Variants in SKIDA1 observed in about 807,000 individuals in gnomAD.
SKIDA1 encodes SKI/DACH domain-containing protein 1.
A neutral mutation model predicts 51.4 loss-of-function variants in SKIDA1; 18 were observed. The observed-to-expected ratio is 0.35, with a 90% CI of 0.24 to 0.52. SKIDA1 has a LOEUF of 0.52. Ranked by LOEUF, SKIDA1 falls within the 20% of genes least tolerant of loss-of-function variation. SKIDA1 has a pLI of 0.95. For synonymous variants in SKIDA1, 579 were observed against 500.5 expected (o/e 1.16, Z -2.09); for missense variants, 1,104 against 1,180.6 (o/e 0.94, Z 0.95).
In SKIDA1 at chr10:21,515,748, C is replaced by T. The variant is rs759030359; in HGVS notation, c.2075G>A (p.Ser692Asn). ...AGGTTCATATTCTTCATTAGCACTA[C>T]TGTCTTCTACTTTGATTTTAATATT... ...LHNIKIKVEDSSANEEYEPHL... is the reference protein window; with the variant it reads ...LHNIKIKVEDNSANEEYEPHL... Residue 692 changes from serine to asparagine, a missense_variant, in exon 4 of 4, where the codon AGT becomes AAT. Transcript: ENST00000449193. 9 of 1,614,062 alleles carry T rather than the reference C, an allele frequency of 5.6e-6. No homozygotes were observed. The Admixed American group carries it at 1.3e-4, about 24-fold the overall frequency.
rs749932127 is a variant in SKIDA1 at position 21,516,791 on chromosome 10, A to ATGGTGGTGG, written c.1023_1031dup (p.His349_His351dup). ...CCCGGTGGTGGTGGTGGTGGTGGTGATGGTGGTGGTGGTGGTGGTGGTGCG... is the reference window on the plus strand; with the variant it reads ...CCCGGTGGTGGTGGTGGTGGTGGTGATGGTGGTGGTGGTGGTGGTGGTGGTGGTGGTGCG... On this transcript the variant is annotated inframe_insertion, in exon 4 of 4. Coordinates refer to ENST00000449193, the MANE Select transcript of SKIDA1 (RefSeq NM_207371.4). This position sits in a 1 kb window ranked among gnomAD's most constrained non-coding sequence, Gnocchi z 5.7. 2.0e-6 allele frequency: 3 copies of ATGGTGGTGG among 1,514,330 alleles called. No homozygotes were observed. The highest frequency in any genetic ancestry group is 2.0e-5 in the Admixed American group (1 of 49,540). 93.8% of individuals were successfully genotyped at this position (1,514,330 alleles called of 1,614,324 possible).
Position 21,516,131 on chromosome 10 carries a change from T to C in SKIDA1, c.1692A>G (p.Val564=). Residue 564 remains valine, a synonymous_variant, in exon 4 of 4, where the codon GTA becomes GTG. Coordinates refer to ENST00000449193, the MANE Select transcript of SKIDA1 (RefSeq NM_207371.4). This position sits in a 1 kb window ranked among gnomAD's most constrained non-coding sequence, Gnocchi z 5.7. ...AGTTAATTGTCAGGTCAGTTCTCTT[T>C]ACAGCATTGGAAATTTCAGAGTGTG... ...TFPHSEISNA[V]KRTDLTINCL... 1.2e-6 allele frequency: 2 copies of C among 1,614,054 alleles called. No homozygotes were observed. The highest frequency in any genetic ancestry group is 1.1e-5 in the South Asian group (1 of 91,084).
Position 21,515,033 on chromosome 10 carries a change from T to C in SKIDA1, c.*63A>G, listed in dbSNP as rs560052596. On this transcript the variant is annotated 3_prime_UTR_variant, in exon 4 of 4. Transcript: ENST00000449193. ...CACATTAATGGACTTGTACAAACCA[T>C]CCTGTGCAGTTTACAACAAAAGGAA... The C allele has an allele frequency of 6.7e-7, 1 of 1,482,782 alleles. No individual in the cohort carries two copies. Among genetic ancestry groups the C allele is most frequent in the African/African-American group, 1.4e-5 (1 of 71,040 alleles). 91.9% of individuals were successfully genotyped at this position (1,482,782 alleles called of 1,614,324 possible). A position where few individuals can be genotyped will look rare whatever the true frequency, so the allele number is the denominator to read the frequency against.
At position 21,515,953 on chromosome 10, in the gene SKIDA1, C is replaced by A. The variant is rs1404025661; in HGVS notation, c.1870G>T (p.Asp624Tyr). ...NTIAARFLNN[D>Y]SSGAEANSEK... ...GAATTTGCTTCTGCTCCTGAAGAAT[C>A]ATTATTTAAGAACCTAGCAGCTATT... Residue 624 changes from aspartate to tyrosine, a missense_variant, in exon 4 of 4, where the codon GAT becomes TAT. This residue lies in a region of SKIDA1 where 938 missense variants were observed against 886.4 expected (regional missense o/e 1.06). Coordinates refer to ENST00000449193, the MANE Select transcript of SKIDA1 (RefSeq NM_207371.4). The A allele has an allele frequency of 6.2e-7, 1 of 1,613,928 alleles. No homozygotes were observed. Among genetic ancestry groups the A allele is most frequent in the Admixed American group, 1.7e-5 (1 of 60,028 alleles).
In SKIDA1 at chr10:21,516,483, G is replaced by A. The variant is rs2032207271; in HGVS notation, c.1340C>T (p.Ser447Phe). The A allele has an allele frequency of 6.2e-7, 1 of 1,608,682 alleles. No homozygotes were observed. Among genetic ancestry groups the A allele is most frequent in the Non-Finnish European group, 8.5e-7 (1 of 1,178,290 alleles). ...SEVSSEEEDSSTESDSSSGSS... is the reference protein window; with the variant it reads ...SEVSSEEEDSFTESDSSSGSS... Reference sequence around the variant, plus strand: ...GCCGGAGCTGGAGTCCGACTCGGTGGACGAGTCCTCCTCCTCCGAGCTGAC... The same window carrying A: ...GCCGGAGCTGGAGTCCGACTCGGTGAACGAGTCCTCCTCCTCCGAGCTGAC... Residue 447 changes from serine (S) to phenylalanine (F), a missense_variant, in exon 4 of 4, where the codon TCC (serine) becomes TTC (phenylalanine). Around this residue, in one of 3 missense-constraint regions of SKIDA1, gnomAD observed 938 missense variants for 886.4 expected, o/e 1.06. Coordinates refer to ENST00000449193, the MANE Select transcript of SKIDA1 (RefSeq NM_207371.4). The surrounding 1 kb of genome is among the most constrained non-coding windows in gnomAD (Gnocchi z 5.7).
chr10:21,515,106 A>C lies in SKIDA1; in HGVS notation c.2717T>G (p.Phe906Cys). ...TCTTCCAAAACATTTTTATGAATTA[A>C]ATTTCCTGAATTTGTGACTAGGTGG... is the stretch of plus-strand genomic sequence containing the variant. ...PLPPSHKFRK[F>C]NS is the part of the protein sequence containing the mutation. Residue 906 changes from phenylalanine (F) to cysteine (C), a missense_variant, in exon 4 of 4, where the codon TTT becomes TGT. Phe to Cys is a radical substitution (Grantham distance 205, BLOSUM62 -2). Transcript: ENST00000449193. 1 of 1,598,708 alleles carries C rather than the reference A, an allele frequency of 6.3e-7. No homozygotes were observed. Among genetic ancestry groups the C allele is most frequent in the Middle Eastern group, 1.7e-4 (1 of 5,972 alleles).
chr10:21,522,059 T>C (rs2032410482), intron 2 of SKIDA1, among the ~76,000 whole-genome samples: 2 of 152,218 alleles, frequency 1.3e-5, no homozygotes, highest in African/African-American at 4.8e-5. Flanking sequence ...GTCTTTTAAA[T>C]GGTTAGCTGG....
At chr10:21,520,646 CCTCTCT>C (rs139656579) in intron 3 of SKIDA1, among the ~76,000 whole-genome samples, 10 of 142,550 alleles carry the variant, frequency 7.0e-5, no homozygotes, top group African/African-American at 2.6e-4. Context: ...GTTTATATTT[CCTCTCT>C]CTCTCTCTCT....
rs1159350026 is a variant in SKIDA1, at chr10:21,523,822, G to A, written c.-2068C>T. The stretch of plus-strand genomic sequence containing the variant: ...CCCTGGCTTCAGCCCAAATCCTTCT[G>A]GGAGCACTGGAGCCAATCACTGTCT... On this transcript the variant is annotated 5_prime_UTR_variant, in exon 2 of 4. Coordinates refer to ENST00000449193, the MANE Select transcript of SKIDA1 (RefSeq NM_207371.4). 1 of 151,536 alleles carries A rather than the reference G, an allele frequency of 6.6e-6. No individual in the cohort carries two copies. Among genetic ancestry groups the A allele is most frequent in the Non-Finnish European group, 1.5e-5 (1 of 67,970 alleles). The allele number at this position is 151,536 out of a possible 1,614,324, so 9.4% of individuals were successfully genotyped here.
Position 21,516,890 on chromosome 10 carries a change from T to TGCC in SKIDA1, c.930_932dup (p.Ala318dup), listed in dbSNP as rs749533809. ...CCCCCGCGGCGGCCGCCGCCGCCGCTGCCGCCGCCGCCGCCGCCGCCGCCG... is the reference window on the plus strand; with the variant it reads ...CCCCCGCGGCGGCCGCCGCCGCCGCTGCCGCCGCCGCCGCCGCCGCCGCCGCCG... On this transcript the variant is annotated inframe_insertion, in exon 4 of 4. Transcript: ENST00000449193. This position sits in a 1 kb window ranked among gnomAD's most constrained non-coding sequence, Gnocchi z 5.7. 3,823 of 1,195,276 alleles carry TGCC rather than the reference T, an allele frequency of 3.2e-3. 5 individuals are homozygous for TGCC. Among genetic ancestry groups the TGCC allele is most frequent in the Admixed American group, 5.1e-3 (111 of 21,584 alleles). The allele number at this position is 1,195,276 out of a possible 1,614,324, so 74.0% of individuals were successfully genotyped here.
In SKIDA1 at chr10:21,515,104, T is replaced by C; in HGVS notation, c.2719A>G (p.Asn907Asp). 1 of 1,599,838 alleles carries C rather than the reference T, an allele frequency of 6.3e-7. No homozygotes were observed. The highest frequency in any genetic ancestry group is 8.5e-7 in the Non-Finnish European group (1 of 1,174,058). ...TATCTTCCAAAACATTTTTATGAAT[T>C]AAATTTCCTGAATTTGTGACTAGGT... ...LPPSHKFRKF[N>D]S The change falls in exon 4 of 4, where the codon AAT becomes GAT. Residue 907 changes from asparagine (N) to aspartate (D), a missense_variant. By Grantham distance (23) the Asn-to-Asp change is conservative. Around this residue, in one of 3 missense-constraint regions of SKIDA1, gnomAD observed 112 missense variants for 168.3 expected, o/e 0.67. Transcript: ENST00000449193.
In SKIDA1 at chr10:21,517,451, G is replaced by C. The variant is rs1341172026; in HGVS notation, c.372C>G (p.Ala124=). The C allele has an allele frequency of 2.0e-6, 3 of 1,512,218 alleles. No individual in the cohort carries two copies. The highest frequency in any genetic ancestry group is 5.0e-5 in the East Asian group (2 of 40,320). 93.7% of individuals were successfully genotyped at this position (1,512,218 alleles called of 1,614,324 possible). Reference sequence around the variant, plus strand: ...TCCAAAATCCCGGGCGGGGGCTGGCGGCAGCGGCGCGCTCTGGCGGCGGCG... The same window carrying C: ...TCCAAAATCCCGGGCGGGGGCTGGCCGCAGCGGCGCGCTCTGGCGGCGGCG... ...TKAPPPERAA[A]ASPRPGFWKD... is the part of the protein sequence containing the mutation. The change falls in exon 4 of 4, where the codon GCC becomes GCG. Residue 124 remains alanine (A), a synonymous_variant. Transcript: ENST00000449193. The surrounding 1 kb of genome is among the most constrained non-coding windows in gnomAD (Gnocchi z 6.9).
rs144178519 is a variant in SKIDA1 at position 21,521,734 on chromosome 10, T to C, written c.-1928-254A>G. 2.4e-3 allele frequency among the ~76,000 whole-genome samples: 359 copies of C among 152,340 alleles called. 3 individuals carry two copies. The highest frequency in any genetic ancestry group is 8.3e-3 in the African/African-American group (344 of 41,570). On this transcript the variant is annotated intron_variant, in intron 2 of 3. Coordinates refer to ENST00000449193, the MANE Select transcript of SKIDA1 (RefSeq NM_207371.4). ...GAGGAATGCCTAATCTACACACTATTGTAAAAAGTGCTTTAGCTTTGAAAA... is the reference window on the plus strand; with the variant it reads ...GAGGAATGCCTAATCTACACACTATCGTAAAAAGTGCTTTAGCTTTGAAAA...
rs2032108623 is a variant in SKIDA1 at position 21,513,952 on chromosome 10, C to T, written c.*1144G>A. On this transcript the variant is annotated 3_prime_UTR_variant, in exon 4 of 4. Coordinates refer to ENST00000449193, the MANE Select transcript of SKIDA1 (RefSeq NM_207371.4). ...ATTTCAGCCCGGGCATGGTGGATCA[C>T]ACCTTTAATCCCAGCACTTTGGGAG... is the stretch of plus-strand genomic sequence containing the variant. 6.6e-6 allele frequency: 1 copy of T among 152,116 alleles called. No homozygotes were observed. 9.4% of individuals were successfully genotyped at this position (152,116 alleles called of 1,614,324 possible). A position where few individuals can be genotyped will look rare whatever the true frequency, so the allele number is the denominator to read the frequency against.
chr10:21,516,768 C>CGGT lies in SKIDA1; in HGVS notation c.1052_1054dup (p.His351dup), dbSNP rs770117846. On this transcript the variant is annotated inframe_insertion, in exon 4 of 4. Coordinates refer to ENST00000449193, the MANE Select transcript of SKIDA1 (RefSeq NM_207371.4). This position sits in a 1 kb window ranked among gnomAD's most constrained non-coding sequence, Gnocchi z 5.7. ...GTGACTCTGCTGCGGCGGCTGGGCC[C>CGGT]GGTGGTGGTGGTGGTGGTGGTGATG... is the stretch of plus-strand genomic sequence containing the variant. 1,417 of 1,538,380 alleles carry CGGT rather than the reference C, an allele frequency of 9.2e-4. 3 individuals are homozygous for CGGT. Among genetic ancestry groups the CGGT allele is most frequent in the African/African-American group, 8.2e-3 (596 of 72,316 alleles).
Position 21,516,371 on chromosome 10 carries a change from CAAG to C in SKIDA1, c.1449_1451del (p.Phe483del). 1 of 1,613,364 alleles carries C rather than the reference CAAG, an allele frequency of 6.2e-7. No homozygotes were observed. The highest frequency in any genetic ancestry group is 2.2e-5 in the East Asian group (1 of 44,872). ...CAGCGGCGGCGGAGGCCAGATGGTA[CAAG>C]AAGTTGGCCTGCGCCTGCACGCTGG... is the stretch of plus-strand genomic sequence containing the variant. On this transcript the variant is annotated inframe_deletion, in exon 4 of 4. Transcript: ENST00000449193. This position sits in a 1 kb window ranked among gnomAD's most constrained non-coding sequence, Gnocchi z 5.7.
chr10:21,516,238 C>G lies in SKIDA1; in HGVS notation c.1585G>C (p.Ala529Pro). 1 of 1,614,060 alleles carries G rather than the reference C, an allele frequency of 6.2e-7. No individual in the cohort carries two copies. Among genetic ancestry groups the G allele is most frequent in the Non-Finnish European group, 8.5e-7 (1 of 1,179,900 alleles). ...EWNLQSWAPK[A>P]SPVYCPASLG... ...CTGGCCGGGCAGTACACCGGAGATG[C>G]TTTGGGGGCCCAGCTCTGCAGATTC... Residue 529 changes from alanine (A) to proline (P), a missense_variant, in exon 4 of 4, where the codon GCA becomes CCA. Ala to Pro is a conservative substitution (Grantham distance 27, BLOSUM62 -1). This residue lies in a region of SKIDA1 where 938 missense variants were observed against 886.4 expected (regional missense o/e 1.06). Coordinates refer to ENST00000449193, the MANE Select transcript of SKIDA1 (RefSeq NM_207371.4). This position sits in a 1 kb window ranked among gnomAD's most constrained non-coding sequence, Gnocchi z 5.7.
rs1213193711 is a variant in SKIDA1 at position 21,516,903 on chromosome 10, G to A, written c.920C>T (p.Ala307Val). 6 of 1,145,924 alleles carry A rather than the reference G, an allele frequency of 5.2e-6. No individual in the cohort carries two copies. 71.0% of individuals were successfully genotyped at this position (1,145,924 alleles called of 1,614,324 possible). Residue 307 changes from alanine to valine, a missense_variant, in exon 4 of 4, where the codon GCG becomes GTG. Transcript: ENST00000449193. This position sits in a 1 kb window ranked among gnomAD's most constrained non-coding sequence, Gnocchi z 5.7. Reference sequence around the variant, plus strand: ...CGCCGCCGCCGCTGCCGCCGCCGCCGCCGCCGCCGCCGCCTTGGCTTTGTA... The same window carrying A: ...CGCCGCCGCCGCTGCCGCCGCCGCCACCGCCGCCGCCGCCTTGGCTTTGTA... Reference protein sequence around the residue: ...RSYKAKAAAAAAAAAAAAAAA... With the variant: ...RSYKAKAAAAVAAAAAAAAAA...
rs2032190876 is a variant in SKIDA1 at position 21,516,028 on chromosome 10, T to C, written c.1795A>G (p.Arg599Gly). Residue 599 changes from arginine to glycine, a missense_variant, in exon 4 of 4, where the codon AGG becomes GGG. Arg to Gly is a moderately radical substitution (Grantham distance 125). This residue lies in a region of SKIDA1 where 938 missense variants were observed against 886.4 expected (regional missense o/e 1.06). Coordinates refer to ENST00000449193, the MANE Select transcript of SKIDA1 (RefSeq NM_207371.4). The surrounding 1 kb of genome is among the most constrained non-coding windows in gnomAD (Gnocchi z 5.7). ...FPQQRILREARKCLQTTPTTH... is the reference protein window; with the variant it reads ...FPQQRILREAGKCLQTTPTTH... ...GTAGGAGTTGTTTGTAGGCATTTCC[T>C]AGCCTCTCGGAGTATTCTTTGTTGT... The C allele has an allele frequency of 6.2e-7, 1 of 1,614,080 alleles. No individual in the cohort carries two copies. The highest frequency in any genetic ancestry group is 8.5e-7 in the Non-Finnish European group (1 of 1,179,906).
Sources: allele counts gnomAD v4.1 joint callset (sites outside exome capture counted in the v4.1 genomes callset), GRCh38; gene constraint gnomAD v4.1.1; regional missense constraint gnomAD v4.1.1; non-coding constraint Gnocchi (gnomAD v3.1); transcripts MANE v1.5; gene names NCBI Gene and HGNC (gene_info 2026-07-23, HGNC 2026-07-21).